TCF12: variants seen among roughly 807,000 people sequenced by gnomAD.
The protein encoded by TCF12 is DNA-binding protein HTF4.
A neutral mutation model predicts 86.0 loss-of-function variants in TCF12; 45 were observed. That is an observed-to-expected ratio of 0.52 (90% CI 0.41 to 0.67). The LOEUF is 0.67. Among genes scored for constraint, TCF12 ranks in the 30% least tolerant of loss-of-function variants. TCF12 has a pLI of 0.00. For synonymous variants in TCF12, 330 were observed against 299.6 expected, an observed-to-expected ratio of 1.10 and a Z score of -1.05; for missense variants, 881 against 859.9, an observed-to-expected ratio of 1.02 and a Z score of -0.31.
intron 3 of TCF12, among the ~76,000 whole-genome samples, chr15:57,063,459 C>T (rs1336102791): frequency 6.6e-5 from 10 of 152,152 alleles, no homozygotes; most frequent in Admixed American, 6.5e-4. Context: ...AGTAGCAGTG[C>T]AGGGCGTGGT....
chr15:56,951,615 C>T (rs541518976), intron 3 of TCF12, among the ~76,000 whole-genome samples: 12 of 152,154 alleles, frequency 7.9e-5, no homozygotes, highest in African/African-American at 2.9e-4. Flanking sequence ...AGAAATCTTT[C>T]CTTAATTGGT....
intron 3 of TCF12, among the ~76,000 whole-genome samples, chr15:56,985,724 T>G (rs1456552798): frequency 6.6e-6 from 1 of 152,202 alleles, no homozygotes; most frequent in African/African-American, 2.4e-5. Flanking sequence ...AATCTAGTTT[T>G]AATGATTCTT....
intron 3 of TCF12, among the ~76,000 whole-genome samples, chr15:56,982,285 T>C (rs2062931393): frequency 6.6e-6 from 1 of 152,222 alleles, no homozygotes; most frequent in Admixed American, 6.5e-5. Context: ...TTAGTTGATA[T>C]GACTGAATTT....
chr15:57,038,871 G>A (rs1194941263), intron 3 of TCF12, among the ~76,000 whole-genome samples: 1 of 152,142 alleles, frequency 6.6e-6, no homozygotes, highest in African/African-American at 2.4e-5. Context: ...GGTTCTTTGG[G>A]TATATGCAAA....
At chr15:57,003,172 A>G (rs1049530803) in intron 3 of TCF12, among the ~76,000 whole-genome samples, 4 of 152,164 alleles carry the variant, frequency 2.6e-5, no homozygotes, top group Middle Eastern at 3.2e-3. Flanking sequence ...ACATAGGGTA[A>G]TGGGTAACTT....
At chr15:57,160,926 G>T (rs2054463420) in intron 5 of TCF12, among the ~76,000 whole-genome samples, 1 of 152,012 alleles carries the variant, frequency 6.6e-6, no homozygotes, top group Non-Finnish European at 1.5e-5. Context: ...CTGAGCTCTA[G>T]CAGTCCTCCC....
chr15:57,269,533 AT>A (rs1320177690), intron 18 of TCF12, among the ~76,000 whole-genome samples: 1 of 151,892 alleles, frequency 6.6e-6, no homozygotes, highest in African/African-American at 2.4e-5. Context: ...CTGTCTTTTA[AT>A]TGGGGCACTT....
Position 57,251,169 on chromosome 15 carries a change from TTAA to T in TCF12, c.1115-176_1115-174del, listed in dbSNP as rs2060099309. Reference sequence around the variant, plus strand: ...TTTTCTCAGCACCCCATTTTTTTTATTAATAATGAAAGATTTTTTAAAATGTGT... The same window carrying T: ...TTTTCTCAGCACCCCATTTTTTTTATTAATGAAAGATTTTTTAAAATGTGT... On this transcript the variant is annotated intron_variant, in intron 13 of 20. Coordinates refer to ENST00000333725, the MANE Select transcript of TCF12 (RefSeq NM_207037.2). The T allele has an allele frequency of 6.5e-6, 3 of 463,950 alleles. No individual in the cohort carries two copies. The South Asian group carries it at 1.3e-4, about 20-fold the overall frequency. 28.7% of individuals were successfully genotyped at this position (463,950 alleles called of 1,614,324 possible).
At chr15:57,209,509 A>G (rs1298478915) in intron 8 of TCF12, among the ~76,000 whole-genome samples, 1 of 152,216 alleles carries the variant, frequency 6.6e-6, no homozygotes, top group Non-Finnish European at 1.5e-5. Context: ...ATAAATTTGA[A>G]ACAGAGGACA....
chr15:57,177,638 G>GAGAGAGAGAGAGAGAGAGA (rs2056039089), intron 6 of TCF12, among the ~76,000 whole-genome samples: 2 of 151,108 alleles, frequency 1.3e-5, no homozygotes, highest in Non-Finnish European at 1.5e-5. Context: ...GAGAGAGAGA[G>GAGAGAGAGAGAGAGAGAGA]TTGGATTAGG....
rs1206348059 is a variant in TCF12 at position 57,191,960 on chromosome 15, C to T, written c.391-198C>T. 8.6e-5 allele frequency among the ~76,000 whole-genome samples: 13 copies of T among 151,340 alleles called. 1 individual carries two copies. The highest frequency in any genetic ancestry group is 8.6e-4 in the Admixed American group (13 of 15,168). On this transcript the variant is annotated intron_variant, in intron 6 of 20. Coordinates refer to ENST00000333725, the MANE Select transcript of TCF12 (RefSeq NM_207037.2). ...GAAAAAAAAAAGAAAAAAAGGCCGA[C>T]AATGTGAGGGTGGAGAAAAAAAGAG...
intron 5 of TCF12, among the ~76,000 whole-genome samples, chr15:57,115,598 T>C (rs2050783382): frequency 6.6e-6 from 1 of 152,240 alleles, no homozygotes; most frequent in Non-Finnish European, 1.5e-5. Context: ...TATTTTTGCC[T>C]AGATTTTAAT....
intron 3 of TCF12, among the ~76,000 whole-genome samples, chr15:56,927,274 T>A (rs996137535): frequency 6.6e-6 from 1 of 152,186 alleles, no homozygotes; most frequent in South Asian, 2.1e-4. Flanking sequence ...GAAGACCGTC[T>A]TTTTTCTGCA....
At chr15:57,035,753 ATGGAATTAGAAAAG>A (rs2066468042) in intron 3 of TCF12, among the ~76,000 whole-genome samples, 1 of 152,148 alleles carries the variant, frequency 6.6e-6, no homozygotes, top group African/African-American at 2.4e-5. Context: ...CTGAGGTCTT[ATGGAATTAGAAAAG>A]TGGATCAGGA....
chr15:57,202,317 A>G (rs751803273), intron 8 of TCF12, among the ~76,000 whole-genome samples: 1 of 152,116 alleles, frequency 6.6e-6, no homozygotes, highest in Non-Finnish European at 1.5e-5. Flanking sequence ...TATTCTGTCA[A>G]TTATGTTTTT....
intron 3 of TCF12, among the ~76,000 whole-genome samples, chr15:57,024,880 C>T (rs183731753): frequency 1.3e-5 from 2 of 152,208 alleles, no homozygotes; most frequent in Admixed American, 1.3e-4. Context: ...AGCTAGAAGG[C>T]TGAGGTTAGG....
chr15:57,273,405 G>A lies in TCF12; in HGVS notation c.1978+143G>A, dbSNP rs182194556. The A allele has an allele frequency of 1.3e-5, 10 of 784,144 alleles. No homozygotes were observed. The Admixed American group carries it at 2.5e-4, about 20-fold the overall frequency. 48.6% of individuals were successfully genotyped at this position (784,144 alleles called of 1,614,324 possible). On this transcript the variant is annotated intron_variant, in intron 19 of 20. Coordinates refer to ENST00000333725, the MANE Select transcript of TCF12 (RefSeq NM_207037.2). The stretch of plus-strand genomic sequence containing the variant: ...CTGTATCATCAGGGTCGTTTTTCCT[G>A]TAATTCTCACTTCTGTCTCACTGTA...
At chr15:57,033,114 T>G (rs2066303322) in intron 3 of TCF12, among the ~76,000 whole-genome samples, 1 of 151,966 alleles carries the variant, frequency 6.6e-6, no homozygotes, top group Admixed American at 6.6e-5. Flanking sequence ...TCAATAGAAA[T>G]TTTTCAATCT....
chr15:56,962,304 ATTG>A (rs1430613280), intron 3 of TCF12, among the ~76,000 whole-genome samples: 2 of 152,176 alleles, frequency 1.3e-5, no homozygotes, highest in African/African-American at 2.4e-5. Flanking sequence ...GATGGGTTTA[ATTG>A]TTGTCAGTGC....
Sources: allele counts gnomAD v4.1 joint callset (sites outside exome capture counted in the v4.1 genomes callset), GRCh38; gene constraint gnomAD v4.1.1; transcripts MANE v1.5; gene names NCBI Gene and HGNC (gene_info 2026-07-23, HGNC 2026-07-21).